The following IWS1 variants were observed in gnomAD, a reference collection of about 807,000 sequenced individuals.
IWS1 encodes protein IWS1 homolog.
Under a neutral mutation model 86.7 loss-of-function variants are expected in IWS1, and 27 were observed. The ratio of observed to expected loss-of-function variants is 0.31; its 90% CI spans 0.23 to 0.43. The LOEUF is 0.43. IWS1 is among the 20% of genes least tolerant of loss of function. The pLI is 1.00. For missense variants in IWS1, 827 were observed against 1,000.8 expected (o/e 0.83, Z 2.34); for synonymous variants, 313 against 335.1 (o/e 0.93, Z 0.72).
Position 127,481,098 on chromosome 2 carries a change from G to A in IWS1, c.2406C>T (p.Ser802=). 1 of 1,611,868 alleles carries A rather than the reference G, an allele frequency of 6.2e-7. No homozygotes were observed. Among genetic ancestry groups the A allele is most frequent in the Non-Finnish European group, 8.5e-7 (1 of 1,179,318 alleles). ...MRKFTDIRKK[S]RSAHAVKISI... ...TGATTTTCACTGCGTGTGCAGATCT[G>A]CTTTTTTTCCTTATATCTGTGAACT... The change falls in exon 14 of 14, where the codon AGC becomes AGT. Residue 802 remains serine (S), a synonymous_variant. Coordinates refer to ENST00000295321, the MANE Select transcript of IWS1 (RefSeq NM_017969.3).
intron 2 of IWS1, among the ~76,000 whole-genome samples, chr2:127,521,592 C>CCTA (rs1340982196): frequency 1.3e-5 from 2 of 152,176 alleles, no homozygotes; most frequent in African/African-American, 4.8e-5. Flanking sequence ...AGAGGTAAGA[C>CCTA]CTACGGTTGG....
chr2:127,516,822 CAA>C (rs1213912016), intron 2 of IWS1, among the ~76,000 whole-genome samples: 5 of 152,102 alleles, frequency 3.3e-5, no homozygotes, highest in African/African-American at 1.2e-4. Flanking sequence ...CTTTATTCAA[CAA>C]TATATATTCT....
chr2:127,520,297 T>C (rs918040021), intron 2 of IWS1, among the ~76,000 whole-genome samples: 1 of 152,128 alleles, frequency 6.6e-6, no homozygotes, highest in Admixed American at 6.5e-5. Context: ...GCCTCCTAGG[T>C]AGCTGGGACT....
chr2:127,500,110 T>C (rs1174546598), intron 5 of IWS1, among the ~76,000 whole-genome samples: 4 of 152,170 alleles, frequency 2.6e-5, no homozygotes, highest in Admixed American at 2.0e-4. Context: ...GTAAATTTGA[T>C]CCTATGTTAA....
At chr2:127,520,463 G>A (rs1010968085) in intron 2 of IWS1, among the ~76,000 whole-genome samples, 6 of 152,112 alleles carry the variant, frequency 3.9e-5, no homozygotes, top group Non-Finnish European at 8.8e-5. Flanking sequence ...CACCACGCCC[G>A]GCCTTTGCAC....
At position 127,505,745 on chromosome 2, in the gene IWS1, G is replaced by A; in HGVS notation, c.158C>T (p.Thr53Ile). ...GGGGAGGCCATCTTCTCGATCACTA[G>A]TTTCATTCTGAAAAATAAAGTGAGA... ...GSVERHSENETSDREDGLPKG... is the reference protein window; with the variant it reads ...GSVERHSENEISDREDGLPKG... Residue 53 changes from threonine (T) to isoleucine (I), a missense_variant, in exon 3 of 14, where the codon ACT becomes ATT. By Grantham distance (89) the Thr-to-Ile change is moderately conservative. Around this residue, in one of 2 missense-constraint regions of IWS1, gnomAD observed 548 missense variants for 560.2 expected, o/e 0.98. Transcript: ENST00000295321. The surrounding 1 kb of genome is among the most constrained non-coding windows in gnomAD (Gnocchi z 5.0). 7 of 1,498,094 alleles carry A rather than the reference G, an allele frequency of 4.7e-6. No homozygotes were observed. The highest frequency in any genetic ancestry group is 6.3e-6 in the Non-Finnish European group (7 of 1,119,824). 92.8% of individuals were successfully genotyped at this position (1,498,094 alleles called of 1,614,324 possible).
intron 2 of IWS1, among the ~76,000 whole-genome samples, chr2:127,520,936 T>C (rs1484503621): frequency 2.0e-5 from 3 of 152,182 alleles, no homozygotes; most frequent in Non-Finnish European, 4.4e-5. Flanking sequence ...GGGAAACACT[T>C]AAAAGTATCA....
intron 13 of IWS1, 50 bp from the exon 14 acceptor site, chr2:127,481,225 T>C (rs765959833): frequency 6.5e-7 from 1 of 1,528,008 alleles, no homozygotes; most frequent in Non-Finnish European, 8.8e-7. Context: ...TACGTAAGTC[T>C]AGTTATGTCT....
chr2:127,501,796 C>G (rs942612634), intron 5 of IWS1: 2 of 150,334 alleles, frequency 1.3e-5, no homozygotes, highest in African/African-American at 4.9e-5. Context: ...TCCAGCTACC[C>G]CCAAGCCTCA....
intron 8 of IWS1, 35 bp from the exon 9 acceptor site, chr2:127,493,445 C>A (rs1690339692): frequency 6.4e-7 from 1 of 1,569,576 alleles, no homozygotes; most frequent in Non-Finnish European, 8.6e-7. Flanking sequence ...ATTCTGTGAA[C>A]CTTGGTTCTA....
chr2:127,500,632 C>G (rs334146), intron 5 of IWS1, among the ~76,000 whole-genome samples: 1 of 152,070 alleles, frequency 6.6e-6, no homozygotes, highest in Non-Finnish European at 1.5e-5. Flanking sequence ...AATCTCTTGA[C>G]ATCAGTATAT....
At chr2:127,490,201 G>A (rs1485434674) in intron 10 of IWS1, among the ~76,000 whole-genome samples, 1 of 152,134 alleles carries the variant, frequency 6.6e-6, no homozygotes, top group Non-Finnish European at 1.5e-5. Flanking sequence ...CACTTTAATA[G>A]TCAACAATTA....
At chr2:127,482,666 C>T (rs183827949) in intron 13 of IWS1, 2 of 152,346 alleles carry the variant, frequency 1.3e-5, no homozygotes, top group Non-Finnish European at 2.9e-5. Flanking sequence ...CTGTCTAAGC[C>T]CTGATGGATC....
chr2:127,503,164 T>C (rs964115476), intron 4 of IWS1, among the ~76,000 whole-genome samples: 3 of 152,222 alleles, frequency 2.0e-5, no homozygotes, highest in South Asian at 2.1e-4. Context: ...CTGAACTTCA[T>C]GTAAATGGAA....
intron 1 of IWS1, 107 bp downstream of exon 1, chr2:127,526,068 G>C (rs1042618672): frequency 4.6e-6 from 5 of 1,095,944 alleles, no homozygotes; most frequent in Non-Finnish European, 6.5e-6. Context: ...GGTCGCGGGA[G>C]GGAAGGTTTC....
intron 2 of IWS1, among the ~76,000 whole-genome samples, chr2:127,519,720 G>T (rs1000744394): frequency 6.6e-6 from 1 of 152,172 alleles, no homozygotes; most frequent in African/African-American, 2.4e-5. Flanking sequence ...CTGTGCAAAT[G>T]TAATTAAGGT....
At position 127,504,773 on chromosome 2, in the gene IWS1, C is replaced by T. The variant is rs1691023052; in HGVS notation, c.1130G>A (p.Ser377Asn). ...EEEHKKQKMD[S>N]DEDEKEGEEE... is the part of the protein sequence containing the mutation. Reference sequence around the variant, plus strand: ...CTCACCCTCTTTTTCATCTTCATCACTGTCCATTTTTTGCTTTTTGTGTTC... The same window carrying T: ...CTCACCCTCTTTTTCATCTTCATCATTGTCCATTTTTTGCTTTTTGTGTTC... The change falls in exon 3 of 14, where the codon AGT becomes AAT. Residue 377 changes from serine (S) to asparagine (N), a missense_variant. Physicochemically the swap from Ser to Asn is conservative, Grantham distance 46 (BLOSUM62 1). This residue lies in a region of IWS1 where 548 missense variants were observed against 560.2 expected (regional missense o/e 0.98). Transcript: ENST00000295321. The T allele has an allele frequency of 1.2e-6, 2 of 1,614,176 alleles. No individual in the cohort carries two copies. Among genetic ancestry groups the T allele is most frequent in the African/African-American group, 1.3e-5 (1 of 75,038 alleles).
At chr2:127,487,310 TC>T (rs1558740133) in intron 12 of IWS1, among the ~76,000 whole-genome samples, 1 of 152,280 alleles carries the variant, frequency 6.6e-6, no homozygotes, top group East Asian at 1.9e-4. Flanking sequence ...TATTTACACT[TC>T]CCCAGTTTTA....
intron 7 of IWS1, among the ~76,000 whole-genome samples, chr2:127,495,554 C>T (rs1690469478): frequency 6.6e-6 from 1 of 152,176 alleles, no homozygotes; most frequent in Non-Finnish European, 1.5e-5. Flanking sequence ...CAACAAGTGT[C>T]TCCAAAAGAT....
Sources: gnomAD v4.1 joint callset for allele counts (sites outside exome capture counted in the v4.1 genomes callset) on GRCh38, gnomAD v4.1.1 for gene constraint, gnomAD v4.1.1 regional missense constraint, Gnocchi (gnomAD v3.1) non-coding constraint, MANE v1.5 for transcripts, NCBI Gene and HGNC (gene_info 2026-07-23, HGNC 2026-07-21) for gene names.